Variants in DNM1 observed in about 807,000 individuals in gnomAD.
DNM1 encodes the protein dynamin 1.
A neutral mutation model predicts 104.6 loss-of-function variants in DNM1; 29 were observed. The ratio of observed to expected loss-of-function variants is 0.28; its 90% CI spans 0.21 to 0.38. DNM1 has a LOEUF of 0.38. Ranked by LOEUF, DNM1 falls within the 10% of genes least tolerant of loss-of-function variation. The probability of loss-of-function intolerance (pLI) is 1.00; values close to 1 mark genes in which losing one functional copy is unlikely to be tolerated. For synonymous variants in DNM1, 445 were observed against 475.8 expected (o/e 0.94, Z 0.84); for missense variants, 640 against 1,189.4 (o/e 0.54, Z 6.79).
Position 128,224,541 on chromosome 9 carries a change from T to C in DNM1, c.1335+152T>C, listed in dbSNP as rs1835228333. On this transcript the variant is annotated intron_variant, in intron 10 of 21. Coordinates refer to ENST00000372923, the MANE Select transcript of DNM1 (RefSeq NM_004408.4). The surrounding 1 kb of genome is among the most constrained non-coding windows in gnomAD (Gnocchi z 4.3). The stretch of plus-strand genomic sequence containing the variant: ...CAGGCCACCACTGAATAGGAGACAA[T>C]GTGCCTCTGAGAGGGCCTCACCCAC... The C allele has an allele frequency of 1.5e-6, 1 of 682,048 alleles. No homozygotes were observed. The highest frequency in any genetic ancestry group is 2.8e-5 in the South Asian group (1 of 35,834). 42.2% of individuals were successfully genotyped at this position (682,048 alleles called of 1,614,324 possible).
In DNM1 at chr9:128,228,328, C is replaced by T. The variant is rs376634664; in HGVS notation, c.1335+3939C>T. ...AAAGTGCTGGGATTACAGGCATGAG[C>T]CACCCCTCCTGGCCTAATAATTTTT... On this transcript the variant is annotated intron_variant, in intron 10 of 21. Coordinates refer to ENST00000372923, the MANE Select transcript of DNM1 (RefSeq NM_004408.4). Among the ~76,000 whole-genome samples, 13 of 152,210 alleles carry T rather than the reference C, an allele frequency of 8.5e-5. No individual in the cohort carries two copies. In the East Asian group the frequency reaches 2.5e-3, roughly 29 times the overall value.
At position 128,254,978 on chromosome 9, in the gene DNM1, G is replaced by C. The variant is rs1240604880; in HGVS notation, c.*264G>C. 3.3e-5 allele frequency: 12 copies of C among 363,394 alleles called. No homozygotes were observed. The highest frequency in any genetic ancestry group is 5.1e-5 in the Admixed American group (1 of 19,702). 22.5% of individuals were successfully genotyped at this position (363,394 alleles called of 1,614,324 possible). Reference sequence around the variant, plus strand: ...CACATGGCCAACCGCCTCGCCTCTAGCGCTGGGAATCAGTCACTGTGCTAT... The same window carrying C: ...CACATGGCCAACCGCCTCGCCTCTACCGCTGGGAATCAGTCACTGTGCTAT... On this transcript the variant is annotated 3_prime_UTR_variant, in exon 22 of 22. Transcript: ENST00000372923. This position sits in a 1 kb window ranked among gnomAD's most constrained non-coding sequence, Gnocchi z 6.1.
At position 128,254,037 on chromosome 9, in the gene DNM1, G is replaced by A. The variant is rs1829699355; in HGVS notation, c.2535-617G>A. 1.6e-6 allele frequency: 2 copies of A among 1,236,496 alleles called. No individual in the cohort carries two copies. Among genetic ancestry groups the A allele is most frequent in the Non-Finnish European group, 1.0e-6 (1 of 991,254 alleles). 76.6% of individuals were successfully genotyped at this position (1,236,496 alleles called of 1,614,324 possible). On this transcript the variant is annotated intron_variant, in intron 21 of 21. Transcript: ENST00000372923. The surrounding 1 kb of genome is among the most constrained non-coding windows in gnomAD (Gnocchi z 6.1). ...GGGCCCAGCCTCACCTACGAGACCT[G>A]CAGCCCCCCGACCAGCTGAGGCTCC...
In DNM1 at chr9:128,239,004, C is replaced by CTCTCT. The variant is rs749343765; in HGVS notation, c.1423-437_1423-433dup. ...TCATCCTCTCCTCTCCTCTCCTCTC[C>CTCTCT]TCTCTTCTTTTCTCTCAGGGTTTTG... On this transcript the variant is annotated intron_variant, in intron 11 of 21. Coordinates refer to ENST00000372923, the MANE Select transcript of DNM1 (RefSeq NM_004408.4). Among the ~76,000 whole-genome samples, 16 of 151,244 alleles carry CTCTCT rather than the reference C, an allele frequency of 1.1e-4. 1 individual carries two copies. In the East Asian group the frequency reaches 1.4e-3, roughly 13 times the overall value.
At position 128,247,371 on chromosome 9, in the gene DNM1, G is replaced by T; in HGVS notation, c.1782-4G>T. 6.2e-7 allele frequency: 1 copy of T among 1,604,804 alleles called. No homozygotes were observed. The highest frequency in any genetic ancestry group is 8.5e-7 in the Non-Finnish European group (1 of 1,172,594). On this transcript the variant is annotated splice_polypyrimidine_tract_variant and splice_region_variant and intron_variant, in intron 16 of 21. Coordinates refer to ENST00000372923, the MANE Select transcript of DNM1 (RefSeq NM_004408.4). This position sits in a 1 kb window ranked among gnomAD's most constrained non-coding sequence, Gnocchi z 5.1. The stretch of plus-strand genomic sequence containing the variant: ...CTGCCCTCACTGCCTGCCCTATCTT[G>T]CAGGAATGTCTACAAGGATTATCGG...
chr9:128,252,943 G>A, intron 21 of DNM1: 1 of 741,032 alleles, frequency 1.3e-6, no homozygotes, highest in East Asian at 2.6e-5. Context: ...GCGTATGCGT[G>A]TTGTTTGTGG....
rs559237052 is a variant in DNM1 at position 128,231,584 on chromosome 9, A to G, written c.1336-2437A>G. On this transcript the variant is annotated intron_variant, in intron 10 of 21. Transcript: ENST00000372923. ...CTCACCTTTGCCTATCTTTGTGTAT[A>G]TATTTTTTCCTCCCCTCGAGTTTTC... 8.5e-5 allele frequency among the ~76,000 whole-genome samples: 13 copies of G among 152,118 alleles called. No individual in the cohort carries two copies. The South Asian group carries it at 2.5e-3, about 29-fold the overall frequency.
In DNM1 at chr9:128,222,643, C is replaced by T. The variant is rs757764527; in HGVS notation, c.1128+47C>T. ...ACAGGATGGCTCAGGACTCCCCCCA[C>T]CCTCACTCAGGACTCTCTCTGCGTG... On this transcript the variant is annotated intron_variant, in intron 8 of 21. Coordinates refer to ENST00000372923, the MANE Select transcript of DNM1 (RefSeq NM_004408.4). This position sits in a 1 kb window ranked among gnomAD's most constrained non-coding sequence, Gnocchi z 7.8. The T allele has an allele frequency of 3.7e-6, 6 of 1,610,556 alleles. No individual in the cohort carries two copies. Among genetic ancestry groups the T allele is most frequent in the Non-Finnish European group, 4.2e-6 (5 of 1,177,630 alleles).
chr9:128,250,837 G>A lies in DNM1; in HGVS notation c.2431G>A (p.Gly811Arg). 1 of 1,307,286 alleles carries A rather than the reference G, an allele frequency of 7.6e-7. No individual in the cohort carries two copies. Among genetic ancestry groups the A allele is most frequent in the Non-Finnish European group, 9.6e-7 (1 of 1,036,798 alleles). 81.0% of individuals were successfully genotyped at this position (1,307,286 alleles called of 1,614,324 possible). ...TCCGCCTGCTGGGTCCGCCCTGGGGGGGGCGCCCCCCGTGCCCTCCAGGCC... is the reference window on the plus strand; with the variant it reads ...TCCGCCTGCTGGGTCCGCCCTGGGGAGGGCGCCCCCCGTGCCCTCCAGGCC... Reference protein sequence around the residue: ...GPPPAGSALGGAPPVPSRPGA... With the variant: ...GPPPAGSALGRAPPVPSRPGA... Residue 811 changes from glycine to arginine, a missense_variant, in exon 21 of 22, where the codon GGG (glycine) becomes AGG (arginine). Gly to Arg is a moderately radical substitution (Grantham distance 125, BLOSUM62 -2). Transcript: ENST00000372923.
At chr9:128,210,123 G>A (rs955603773) in intron 1 of DNM1, among the ~76,000 whole-genome samples, 4 of 152,016 alleles carry the variant, frequency 2.6e-5, no homozygotes, top group Non-Finnish European at 2.9e-5. Flanking sequence ...TTGGCTCACT[G>A]CAGCCTTGAC....
Position 128,254,538 on chromosome 9 carries a change from G to A in DNM1, c.2535-116G>A, listed in dbSNP as rs1320312707. ...CCCACACCTGCAGCCTCCCCTCCCC[G>A]GCCCTCCCACCACTGCTGCGGCGCG... On this transcript the variant is annotated intron_variant, in intron 21 of 21. Coordinates refer to ENST00000372923, the MANE Select transcript of DNM1 (RefSeq NM_004408.4). The surrounding 1 kb of genome is among the most constrained non-coding windows in gnomAD (Gnocchi z 6.1). The A allele has an allele frequency of 2.3e-5, 30 of 1,333,310 alleles. No homozygotes were observed. The highest frequency in any genetic ancestry group is 2.1e-5 in the Admixed American group (1 of 48,250). The allele number at this position is 1,333,310 out of a possible 1,614,324, so 82.6% of individuals were successfully genotyped here. A position where few individuals can be genotyped will look rare whatever the true frequency, so the allele number is the denominator to read the frequency against.
At chr9:128,230,140 C>A (rs1271089369) in intron 10 of DNM1, among the ~76,000 whole-genome samples, 1 of 151,056 alleles carries the variant, frequency 6.6e-6, no homozygotes, top group Non-Finnish European at 1.5e-5. Flanking sequence ...TTGCTTGAAC[C>A]CAGGAGGCGG....
At chr9:128,235,497 A>C (rs1231095972) in intron 11 of DNM1, among the ~76,000 whole-genome samples, 1 of 152,132 alleles carries the variant, frequency 6.6e-6, no homozygotes, top group Non-Finnish European at 1.5e-5. Context: ...CCGTCTCAAA[A>C]AAAAAAAAAA....
intron 10 of DNM1, among the ~76,000 whole-genome samples, chr9:128,227,009 C>CTTTTTT (rs369464140): frequency 3.4e-4 from 35 of 101,768 alleles, no homozygotes; most frequent in African/African-American, 4.7e-4. Flanking sequence ...ATCTCCATTC[C>CTTTTTT]TTTTTTTTTT....
chr9:128,248,251 C>A lies in DNM1; in HGVS notation c.1905+316C>A, dbSNP rs1564352676. The A allele has an allele frequency of 2.0e-6, 1 of 506,172 alleles. No individual in the cohort carries two copies. The highest frequency in any genetic ancestry group is 1.9e-5 in the African/African-American group (1 of 51,856). 31.4% of individuals were successfully genotyped at this position (506,172 alleles called of 1,614,324 possible). On this transcript the variant is annotated intron_variant, in intron 18 of 21. Coordinates refer to ENST00000372923, the MANE Select transcript of DNM1 (RefSeq NM_004408.4). This position sits in a 1 kb window ranked among gnomAD's most constrained non-coding sequence, Gnocchi z 5.6. ...CTGAGGCAGGAGAATCGCTTGAACC[C>A]AGGAGGAGGTTGCAATGAGCCAATA... is the stretch of plus-strand genomic sequence containing the variant.
intron 14 of DNM1, among the ~76,000 whole-genome samples, chr9:128,241,968 C>G (rs933946629): frequency 1.1e-4 from 16 of 152,212 alleles, no homozygotes; most frequent in Admixed American, 5.2e-4. Context: ...GAGCTCATCC[C>G]CTACCCAGGC....
At chr9:128,225,779 A>C (rs945086686) in intron 10 of DNM1, among the ~76,000 whole-genome samples, 3 of 152,022 alleles carry the variant, frequency 2.0e-5, no homozygotes, top group African/African-American at 7.3e-5. Context: ...ACCTCTGGCC[A>C]TACCTATGGA....
rs587777860 is a variant in DNM1 at position 128,219,192 on chromosome 9, G to T, written c.529G>T (p.Ala177Ser). 2 of 1,614,030 alleles carry T rather than the reference G, an allele frequency of 1.2e-6. No individual in the cohort carries two copies. Among genetic ancestry groups the T allele is most frequent in the Non-Finnish European group, 8.5e-7 (1 of 1,180,046 alleles). ...ENCLILAVSP[A>S]NSDLANSDAL... The stretch of plus-strand genomic sequence containing the variant: ...CTGCCTCATCCTGGCCGTGTCCCCC[G>T]CCAACTCTGACCTGGCCAATTCTGA... The change falls in exon 4 of 22, where the codon GCC (alanine) becomes TCC (serine). Residue 177 changes from alanine (A) to serine (S), a missense_variant. Physicochemically the swap from Ala to Ser is moderately conservative, Grantham distance 99 (BLOSUM62 1). Around this residue, in one of 7 missense-constraint regions of DNM1, gnomAD observed 172 missense variants for 335.3 expected, o/e 0.51. Transcript: ENST00000372923.
In DNM1 at chr9:128,242,708, C is replaced by T. The variant is rs187626307; in HGVS notation, c.1671+363C>T. Among the ~76,000 whole-genome samples, 390 of 152,092 alleles carry T rather than the reference C, an allele frequency of 2.6e-3. 1 individual carries two copies. The highest frequency in any genetic ancestry group is 8.9e-3 in the African/African-American group (369 of 41,496). On this transcript the variant is annotated intron_variant, in intron 15 of 21. Coordinates refer to ENST00000372923, the MANE Select transcript of DNM1 (RefSeq NM_004408.4). ...CCGGGAGGCGGAGGTTGCAGTGAGCCGAGATCGCACCATTGCACTCCAGCC... is the reference window on the plus strand; with the variant it reads ...CCGGGAGGCGGAGGTTGCAGTGAGCTGAGATCGCACCATTGCACTCCAGCC...
Sources: allele counts gnomAD v4.1 joint callset (sites outside exome capture counted in the v4.1 genomes callset), GRCh38; gene constraint gnomAD v4.1.1; regional missense constraint gnomAD v4.1.1; non-coding constraint Gnocchi (gnomAD v3.1); transcripts MANE v1.5; gene names NCBI Gene and HGNC (gene_info 2026-07-23, HGNC 2026-07-21).